The following ADARB2 variants were observed in gnomAD, a reference collection of about 807,000 sequenced individuals.
ADARB2 encodes inactive double-stranded RNA-specific editase B2.
In ADARB2, 25 loss-of-function variants were observed where a neutral mutation model predicts 62.2. The ratio of observed to expected loss-of-function variants is 0.40; its 90% CI spans 0.29 to 0.56. The LOEUF is 0.56. Among genes scored for constraint, ADARB2 ranks in the 20% least tolerant of loss-of-function variants. ADARB2 has a pLI of 0.43. For synonymous variants in ADARB2, 572 were observed against 500.8 expected, an observed-to-expected ratio of 1.14 and a Z score of -1.90; for missense variants, 1,071 against 1,077.4, an observed-to-expected ratio of 0.99 and a Z score of 0.08.
chr10:1,689,478 G>C (rs753038337), intron 1 of ADARB2, among the ~76,000 whole-genome samples: 1 of 152,098 alleles, frequency 6.6e-6, no homozygotes, highest in Non-Finnish European at 1.5e-5. Flanking sequence ...ATGTCTGTGT[G>C]TCCCTCTCTG....
intron 1 of ADARB2, among the ~76,000 whole-genome samples, chr10:1,663,259 G>A (rs76865800): frequency 0.028 from 4,299 of 152,270 alleles, 107 homozygotes; most frequent in East Asian, 0.07. Flanking sequence ...ATCCATGTGC[G>A]CATTGATTAC....
chr10:1,674,003 A>T, intron 1 of ADARB2, among the ~76,000 whole-genome samples: 1 of 152,278 alleles, frequency 6.6e-6, no homozygotes, highest in South Asian at 2.1e-4. Flanking sequence ...ACTGAGAATA[A>T]CAACCAAATA....
At chr10:1,723,711 G>A (rs1835127200) in intron 1 of ADARB2, among the ~76,000 whole-genome samples, 1 of 152,162 alleles carries the variant, frequency 6.6e-6, no homozygotes, top group Non-Finnish European at 1.5e-5. Context: ...CTTCCAAAGG[G>A]CCAGGAAGGG....
chr10:1,538,762 A>G (rs1832367866), intron 1 of ADARB2, among the ~76,000 whole-genome samples: 2 of 152,222 alleles, frequency 1.3e-5, no homozygotes, highest in South Asian at 4.1e-4. Context: ...AGTCGAGGAC[A>G]GGAACTCAGC....
intron 1 of ADARB2, among the ~76,000 whole-genome samples, chr10:1,488,642 G>A (rs1831582747): frequency 6.6e-6 from 1 of 152,168 alleles, no homozygotes; most frequent in Non-Finnish European, 1.5e-5. Context: ...GGGGAGACGT[G>A]AAAGGGAGGA....
chr10:1,265,954 G>A (rs1224410677), intron 4 of ADARB2, among the ~76,000 whole-genome samples: 1 of 129,178 alleles, frequency 7.7e-6, no homozygotes, highest in African/African-American at 3.0e-5. Context: ...CCTGAGAGGG[G>A]GGCCCAGACT....
chr10:1,717,432 G>T (rs1225531554), intron 1 of ADARB2, among the ~76,000 whole-genome samples: 1 of 151,792 alleles, frequency 6.6e-6, no homozygotes, highest in Non-Finnish European at 1.5e-5. Context: ...CTCAGACCCT[G>T]CGCGAGAAGG....
In ADARB2 at chr10:1,255,680, A is replaced by C. The variant is rs561912094; in HGVS notation, c.1193-13381T>G. 1.3e-5 allele frequency among the ~76,000 whole-genome samples: 2 copies of C among 152,316 alleles called. No individual in the cohort carries two copies. The highest frequency in any genetic ancestry group is 1.3e-4 in the Admixed American group (2 of 15,306). Reference sequence around the variant, plus strand: ...GTTAGAGGTAAGAGGGAGGAAACTGAGGAGATGCCAGTGACCTTTCTGTGG... The same window carrying C: ...GTTAGAGGTAAGAGGGAGGAAACTGCGGAGATGCCAGTGACCTTTCTGTGG... On this transcript the variant is annotated intron_variant, in intron 4 of 9. Coordinates refer to ENST00000381312, the MANE Select transcript of ADARB2 (RefSeq NM_018702.4). The surrounding 1 kb of genome is among the most constrained non-coding windows in gnomAD (Gnocchi z 4.7).
chr10:1,233,764 G>A lies in ADARB2; in HGVS notation c.1443C>T (p.Phe481=). 2 of 1,614,014 alleles carry A rather than the reference G, an allele frequency of 1.2e-6. No individual in the cohort carries two copies. Among genetic ancestry groups the A allele is most frequent in the South Asian group, 2.2e-5 (2 of 91,052 alleles). ...GGYRLRENIL[F]HLYVSTSPCG... Reference sequence around the variant, plus strand: ...AGGGGGAGGTGCTCACGTAGAGATGGAAGAGGATGTTCTCTCGCAGCCGGT... The same window carrying A: ...AGGGGGAGGTGCTCACGTAGAGATGAAAGAGGATGTTCTCTCGCAGCCGGT... Residue 481 remains phenylalanine (F), a synonymous_variant, in exon 6 of 10, where the codon TTC becomes TTT. Transcript: ENST00000381312.
At chr10:1,257,780 G>T (rs536906105) in intron 4 of ADARB2, among the ~76,000 whole-genome samples, 3 of 152,310 alleles carry the variant, frequency 2.0e-5, no homozygotes, top group South Asian at 2.1e-4. Flanking sequence ...AGCACCAAAG[G>T]TTCCTCCAGT....
chr10:1,268,287 A>C (rs376651638), intron 4 of ADARB2, among the ~76,000 whole-genome samples: 4 of 152,190 alleles, frequency 2.6e-5, no homozygotes, highest in African/African-American at 9.7e-5. Flanking sequence ...GTGGAGTGGG[A>C]GAATACGGCT....
intron 1 of ADARB2, among the ~76,000 whole-genome samples, chr10:1,625,223 T>C (rs1281662820): frequency 2.0e-5 from 3 of 152,244 alleles, no homozygotes; most frequent in African/African-American, 7.2e-5. Flanking sequence ...CAGAGGCTGC[T>C]CTCAGCTCAT....
At chr10:1,279,686 C>G (rs192023980) in intron 3 of ADARB2, among the ~76,000 whole-genome samples, 1 of 152,272 alleles carries the variant, frequency 6.6e-6, no homozygotes, top group East Asian at 1.9e-4. Flanking sequence ...CTCATTTTGC[C>G]GTAAGTACTT....
chr10:1,563,081 C>T (rs1832808473), intron 1 of ADARB2, among the ~76,000 whole-genome samples: 1 of 152,092 alleles, frequency 6.6e-6, no homozygotes, highest in Non-Finnish European at 1.5e-5. Flanking sequence ...CTCCTGAACC[C>T]TTTGAGCTGT....
At chr10:1,283,453 G>A (rs967813189) in intron 3 of ADARB2, among the ~76,000 whole-genome samples, 5 of 152,332 alleles carry the variant, frequency 3.3e-5, no homozygotes, top group East Asian at 1.9e-4. Context: ...CTTAGGACAC[G>A]TGTCCTACAA....
intron 1 of ADARB2, among the ~76,000 whole-genome samples, chr10:1,589,111 G>C (rs1833215467): frequency 6.6e-6 from 1 of 152,220 alleles, no homozygotes; most frequent in African/African-American, 2.4e-5. Flanking sequence ...GGCTCCATCA[G>C]TCCACTGGTT....
intron 3 of ADARB2, chr10:1,290,190 G>C (rs1831452383): frequency 7.1e-6 from 1 of 141,152 alleles, no homozygotes; most frequent in Admixed American, 7.5e-5. Context: ...GTCAGGAGCT[G>C]ACTACCTTTT....
At chr10:1,219,906 A>ATGG (rs1830668890) in intron 6 of ADARB2, among the ~76,000 whole-genome samples, 3 of 139,242 alleles carry the variant, frequency 2.2e-5, no homozygotes, top group African/African-American at 8.1e-5. Context: ...AATGATGGTA[A>ATGG]TGGTGGTGGC....
chr10:1,273,593 C>A (rs1405344099), intron 3 of ADARB2, among the ~76,000 whole-genome samples: 2 of 152,208 alleles, frequency 1.3e-5, no homozygotes, highest in Non-Finnish European at 2.9e-5. Context: ...TTGTCCGGCC[C>A]CGCCTGTGCC....
Sources: gnomAD v4.1 joint callset for allele counts (sites outside exome capture counted in the v4.1 genomes callset) on GRCh38, gnomAD v4.1.1 for gene constraint, Gnocchi (gnomAD v3.1) non-coding constraint, MANE v1.5 for transcripts, NCBI Gene and HGNC (gene_info 2026-07-23, HGNC 2026-07-21) for gene names.